Variants in PDE1C observed in about 807,000 individuals in gnomAD.
PDE1C encodes dual specificity calcium/calmodulin-dependent 3',5'-cyclic nucleotide phosphodiesterase 1C.
PDE1C carries 62 observed loss-of-function variants against 93.1 expected under a neutral mutation model. The observed-to-expected ratio is 0.67, with a 90% CI of 0.54 to 0.82. The LOEUF is 0.82. Ranked by LOEUF, PDE1C falls within the 40% of genes least tolerant of loss-of-function variation. The pLI, the probability that PDE1C is intolerant of heterozygous loss-of-function variation, is 0.00. For missense variants in PDE1C, 742 were observed against 884.6 expected, an observed-to-expected ratio of 0.84 and a Z score of 2.04; for synonymous variants, 325 against 310.1, an observed-to-expected ratio of 1.05 and a Z score of -0.50.
chr7:32,239,506 T>A (rs1808387445), intron 1 of PDE1C, among the ~76,000 whole-genome samples: 1 of 152,142 alleles, frequency 6.6e-6, no homozygotes, highest in African/African-American at 2.4e-5. Context: ...TGTAAGTCAA[T>A]ACAAAGCAAC....
At chr7:32,421,524 T>G (rs1785432110) in intron 1 of PDE1C, among the ~76,000 whole-genome samples, 1 of 152,220 alleles carries the variant, frequency 6.6e-6, no homozygotes. Context: ...ATTTCCATTT[T>G]CCAGATCAGA....
intron 1 of PDE1C, among the ~76,000 whole-genome samples, chr7:32,414,881 T>C (rs1275294412): frequency 1.3e-5 from 2 of 150,712 alleles, no homozygotes; most frequent in African/African-American, 4.9e-5. Context: ...TTATGGAGTA[T>C]AAAATGGAAA....
intron 1 of PDE1C, among the ~76,000 whole-genome samples, chr7:32,416,155 G>A (rs1272523112): frequency 6.6e-6 from 1 of 152,256 alleles, no homozygotes; most frequent in African/African-American, 2.4e-5. Context: ...GCTGACAGGT[G>A]CTGACATGTA....
At chr7:32,400,942 C>T (rs1302100658) in intron 1 of PDE1C, among the ~76,000 whole-genome samples, 1 of 152,242 alleles carries the variant, frequency 6.6e-6, no homozygotes, top group Non-Finnish European at 1.5e-5. Flanking sequence ...ACTCTGAGAA[C>T]ACATCTTCAC....
intron 1 of PDE1C, among the ~76,000 whole-genome samples, chr7:32,317,033 C>T (rs114606762): frequency 0.015 from 2,257 of 152,192 alleles, 80 homozygotes; most frequent in African/African-American, 0.052. Context: ...ACACAGCCAG[C>T]GCTCCACACA....
At chr7:32,259,465 T>C (rs953379542) in intron 1 of PDE1C, among the ~76,000 whole-genome samples, 32 of 152,102 alleles carry the variant, frequency 2.1e-4, no homozygotes, top group Non-Finnish European at 8.8e-5. Flanking sequence ...CTGGATTAAA[T>C]TTGGACTCTG....
At chr7:32,283,777 C>T (rs192904927) in intron 1 of PDE1C, among the ~76,000 whole-genome samples, 1,962 of 152,310 alleles carry the variant, frequency 0.013, 159 homozygotes, top group Admixed American at 0.12. Context: ...CAGCAGAGAC[C>T]TCATTAAGGG....
chr7:32,096,820 A>AAGATAGAT (rs70989634), intron 3 of PDE1C, among the ~76,000 whole-genome samples: 42,284 of 144,146 alleles, frequency 0.29, 6,324 homozygotes, highest in South Asian at 0.32. Context: ...AGGGGATAGA[A>AAGATAGAT]AGATAGATAG....
intron 1 of PDE1C, among the ~76,000 whole-genome samples, chr7:32,426,274 CTTTT>C (rs11332404): frequency 2.2e-4 from 31 of 138,748 alleles, no homozygotes; most frequent in African/African-American, 2.7e-4. Context: ...TATATTTGTA[CTTTT>C]TTTTTTTTTT....
chr7:32,381,985 A>G (rs1040721145), intron 1 of PDE1C, among the ~76,000 whole-genome samples: 1 of 152,178 alleles, frequency 6.6e-6, no homozygotes, highest in Admixed American at 6.5e-5. Flanking sequence ...ATTTTTACAT[A>G]AATTAATTAA....
At chr7:31,707,540 TGAG>T in the PDE1C span, 7 of 431,188 alleles carry the variant, frequency 1.6e-5, no homozygotes, top group African/African-American at 1.2e-4. Context: ...TCATCCTAAA[TGAG>T]GAGGTAACAG....
chr7:32,148,324 T>C lies in PDE1C; in HGVS notation c.308+21461A>G, dbSNP rs565208822. ...TTGTATTTAACCAATATATCTAAAA[T>C]ATTTCAGTATGTAATTAATATTAAA... On this transcript the variant is annotated intron_variant, in intron 3 of 18. Coordinates refer to the PDE1C transcript ENST00000396193. Among the ~76,000 whole-genome samples, 41 of 152,296 alleles carry C rather than the reference T, an allele frequency of 2.7e-4. No individual in the cohort carries two copies. In the East Asian group the frequency reaches 7.9e-3, roughly 29 times the overall value.
At chr7:31,965,532 C>T (rs1352605051) in intron 2 of PDE1C, among the ~76,000 whole-genome samples, 1 of 152,200 alleles carries the variant, frequency 6.6e-6, no homozygotes, top group Non-Finnish European at 1.5e-5. Context: ...AGGAAACACT[C>T]TGCAGGATAT....
At chr7:31,746,700 T>A (rs1262491049), downstream of PDE1C, among the ~76,000 whole-genome samples, 1 of 152,198 alleles carries the variant, frequency 6.6e-6, no homozygotes, top group Non-Finnish European at 1.5e-5. Flanking sequence ...CAGCTTCCTC[T>A]GAGACTTCAG....
At chr7:31,957,192 A>G (rs1584181849) in intron 2 of PDE1C, among the ~76,000 whole-genome samples, 1 of 150,528 alleles carries the variant, frequency 6.6e-6, no homozygotes, top group South Asian at 2.1e-4. Context: ...CAAGTCAATT[A>G]AACTGATATA....
chr7:32,152,152 C>T (rs1801299820), intron 3 of PDE1C, among the ~76,000 whole-genome samples: 1 of 152,206 alleles, frequency 6.6e-6, no homozygotes, highest in South Asian at 2.1e-4. Flanking sequence ...TGACTCCATT[C>T]TCTGTGCTCC....
chr7:32,176,698 C>G (rs34497075), intron 2 of PDE1C, among the ~76,000 whole-genome samples: 11 of 151,778 alleles, frequency 7.2e-5, no homozygotes, highest in East Asian at 2.0e-4. Context: ...TGCACACACA[C>G]GTACTCACAC....
intron 1 of PDE1C, among the ~76,000 whole-genome samples, chr7:32,239,203 T>C (rs1053091939): frequency 1.3e-5 from 2 of 152,162 alleles, no homozygotes; most frequent in Non-Finnish European, 2.9e-5. Flanking sequence ...TGCACTCTAA[T>C]ATGGGTGACA....
Position 32,043,779 on chromosome 7 carries a change from T to G in PDE1C, c.128+7775A>C, listed in dbSNP as rs189659013. On this transcript the variant is annotated intron_variant, in intron 2 of 17. Transcript: ENST00000396191. ...GCAGAGTCAATGATTTAAGCAATTA[T>G]GTACTTACTGATTCTTGCCATGCAT... is the stretch of plus-strand genomic sequence containing the variant. 1.3e-3 allele frequency among the ~76,000 whole-genome samples: 193 copies of G among 152,340 alleles called. 1 individual carries two copies. Among genetic ancestry groups the G allele is most frequent in the African/African-American group, 4.5e-3 (187 of 41,590 alleles).
Sources: allele counts gnomAD v4.1 joint callset (sites outside exome capture counted in the v4.1 genomes callset), GRCh38; gene constraint gnomAD v4.1.1; transcripts MANE v1.5; gene names NCBI Gene and HGNC (gene_info 2026-07-23, HGNC 2026-07-21).